The following MEIS1 variants were observed in gnomAD, a reference collection of about 807,000 sequenced individuals.
MEIS1 encodes the protein homeobox protein Meis1.
In MEIS1, 5 loss-of-function variants were observed where a neutral mutation model predicts 50.8. That is an observed-to-expected ratio of 0.10 (90% confidence interval 0.05 to 0.21). The LOEUF is 0.21. MEIS1 is among the 10% of genes least tolerant of loss of function. MEIS1 has a pLI of 1.00. For missense variants in MEIS1, 318 were observed against 517.3 expected (o/e 0.61, Z 3.74); for synonymous variants, 176 against 179.3 (o/e 0.98, Z 0.15).
intron 7 of MEIS1, among the ~76,000 whole-genome samples, chr2:66,479,220 C>A (rs1672962734): frequency 6.6e-6 from 1 of 152,138 alleles, no homozygotes; most frequent in Admixed American, 6.5e-5. Context: ...CTTTTTTCCA[C>A]AAGAGATTGG....
intron 7 of MEIS1, among the ~76,000 whole-genome samples, chr2:66,478,928 G>A (rs1427277623): frequency 6.6e-6 from 1 of 152,202 alleles, no homozygotes; most frequent in Admixed American, 6.5e-5. Flanking sequence ...TCTAGCAAGA[G>A]CCCTCTTGTA....
chr2:66,440,033 C>T (rs1313716876), intron 3 of MEIS1, 49 bp downstream of exon 3: 2 of 1,534,508 alleles, frequency 1.3e-6, no homozygotes, highest in Non-Finnish European at 1.7e-6. Context: ...AGAGAGCCCC[C>T]CCTTCGCCAA....
chr2:66,453,299 A>G (rs1672315914), intron 6 of MEIS1, among the ~76,000 whole-genome samples: 1 of 151,968 alleles, frequency 6.6e-6, no homozygotes, highest in Non-Finnish European at 1.5e-5. Context: ...GTTAAATAGT[A>G]TGAATAATCT....
rs748709565 is a variant in MEIS1 at position 66,438,153 on chromosome 2, C to CT, written c.239+191dup. On this transcript the variant is annotated intron_variant, in intron 2 of 12. Transcript: ENST00000272369. Reference sequence around the variant, plus strand: ...GAAGCCCTACATCCCCATACACACTCTGTGCACATCCAGTGCCCTGCTCCA... The same window carrying CT: ...GAAGCCCTACATCCCCATACACACTCTTGTGCACATCCAGTGCCCTGCTCCA... Among the ~76,000 whole-genome samples the CT allele has an allele frequency of 5.9e-5, 9 of 152,316 alleles. No homozygotes were observed. In the East Asian group the frequency reaches 1.5e-3, roughly 26 times the overall value.
At chr2:66,496,126 GA>G (rs1673396568) in intron 7 of MEIS1, 1 of 152,510 alleles carries the variant, frequency 6.6e-6, no homozygotes. Context: ...ACTAGATCCA[GA>G]AGAGGACCAA....
At chr2:66,482,594 GC>G (rs1186452644) in intron 7 of MEIS1, among the ~76,000 whole-genome samples, 2 of 152,172 alleles carry the variant, frequency 1.3e-5, no homozygotes, top group East Asian at 3.8e-4. Context: ...AAGTGATCAG[GC>G]ACTGCTTAGC....
intron 7 of MEIS1, among the ~76,000 whole-genome samples, chr2:66,465,883 C>T (rs1264059194): frequency 6.6e-6 from 1 of 152,184 alleles, no homozygotes; most frequent in African/African-American, 2.4e-5. Flanking sequence ...GTGTTGTATG[C>T]TGCTTCTTCC....
At chr2:66,569,361 G>A in intron 12 of MEIS1, 1 of 427,634 alleles carries the variant, frequency 2.3e-6, no homozygotes, top group Admixed American at 3.8e-5. Flanking sequence ...TGTTGCTATT[G>A]TACAGTACTG....
At position 66,435,863 on chromosome 2, in the gene MEIS1, C is replaced by G. The variant is rs1671785426; in HGVS notation, c.7C>G (p.Gln3Glu). 1.3e-6 allele frequency: 2 copies of G among 1,568,808 alleles called. No individual in the cohort carries two copies. Among genetic ancestry groups the G allele is most frequent in the African/African-American group, 2.8e-5 (2 of 70,542 alleles). Residue 3 changes from glutamine (Q) to glutamate (E), a missense_variant, in exon 1 of 13, where the codon CAA becomes GAA. Gln to Glu is a conservative substitution (Grantham distance 29). Transcript: ENST00000272369. ...AAGGGAGCCAGAGAGGCCGATGGCG[C>G]AAAGGGTACGTATTAAAAAACAATT... The part of the protein sequence containing the change: MA[Q>E]RYDDLPHYGG...
intron 7 of MEIS1, among the ~76,000 whole-genome samples, chr2:66,493,901 G>C (rs930486215): frequency 3.9e-5 from 6 of 152,180 alleles, no homozygotes; most frequent in African/African-American, 1.4e-4. Flanking sequence ...TTTAAACAGA[G>C]AGAGAAAGAG....
In MEIS1 at chr2:66,524,132, T is replaced by C. The variant is rs146686849; in HGVS notation, c.888+11838T>C. 2.8e-4 allele frequency among the ~76,000 whole-genome samples: 43 copies of C among 152,012 alleles called. No individual in the cohort carries two copies. The East Asian group carries it at 7.9e-3, about 28-fold the overall frequency. ...TGCCTTTTGTTGGAGAGAAAAAGAG[T>C]TTTGCTGGCTTGAAGTGTCCTGTTT... On this transcript the variant is annotated intron_variant, in intron 8 of 12. Transcript: ENST00000272369.
At chr2:66,548,235 A>T (rs999078982) in intron 9 of MEIS1, among the ~76,000 whole-genome samples, 2 of 152,214 alleles carry the variant, frequency 1.3e-5, no homozygotes, top group East Asian at 3.8e-4. Flanking sequence ...TTATAAGTTG[A>T]CAATTTTATG....
At position 66,567,468 on chromosome 2, in the gene MEIS1, G is replaced by T. The variant is rs146143511; in HGVS notation, c.981G>T (p.Arg327=). ...TTGGTTACAGGTTTATTAATGCCCG[G>T]AGAAGAATAGTGCAGCCCATGATAG... The part of the protein sequence containing the change: ...LQVNNWFINA[R]RRIVQPMIDQ... The change falls in exon 10 of 13, where the codon CGG becomes CGT. Residue 327 remains arginine (R), a synonymous_variant. Coordinates refer to ENST00000272369, the MANE Select transcript of MEIS1 (RefSeq NM_002398.3). 2.0e-4 allele frequency: 324 copies of T among 1,613,822 alleles called. No homozygotes were observed. In the East Asian group the frequency reaches 7.1e-3, roughly 35 times the overall value.
At chr2:66,467,580 G>C (rs1384711222) in intron 7 of MEIS1, among the ~76,000 whole-genome samples, 2 of 151,496 alleles carry the variant, frequency 1.3e-5, no homozygotes, top group East Asian at 3.9e-4. Flanking sequence ...CTGGGTGACA[G>C]AGCAAGACTC....
chr2:66,568,600 CT>C lies in MEIS1; in HGVS notation c.1025-66del, dbSNP rs1032965864. On this transcript the variant is annotated intron_variant, in intron 10 of 12. Coordinates refer to ENST00000272369, the MANE Select transcript of MEIS1 (RefSeq NM_002398.3). Reference sequence around the variant, plus strand: ...TTCTCTGGTATGTTCTCCTCTTAGTCTCTCTTGGGCTATTTCTTTTGCTCTC... The same window carrying C: ...TTCTCTGGTATGTTCTCCTCTTAGTCCTCTTGGGCTATTTCTTTTGCTCTC... 8.4e-6 allele frequency: 10 copies of C among 1,197,300 alleles called. No individual in the cohort carries two copies. In the African/African-American group the frequency reaches 1.4e-4, roughly 16 times the overall value. 74.2% of individuals were successfully genotyped at this position (1,197,300 alleles called of 1,614,324 possible).
Position 66,568,723 on chromosome 2 carries a change from G to A in MEIS1, c.1081G>A (p.Asp361Asn), listed in dbSNP as rs373115262. 4.3e-6 allele frequency: 7 copies of A among 1,613,706 alleles called. No individual in the cohort carries two copies. Among genetic ancestry groups the A allele is most frequent in the Non-Finnish European group, 5.9e-6 (7 of 1,179,750 alleles). Residue 361 changes from aspartate (D) to asparagine (N), a missense_variant, in exon 11 of 13, where the codon GAC becomes AAC. Coordinates refer to ENST00000272369, the MANE Select transcript of MEIS1 (RefSeq NM_002398.3). ...DGQPMGGFVM[D>N]GQQHMGIRAP... is the part of the protein sequence containing the mutation. ...ACAGCCCATGGGAGGTTTCGTAATG[G>A]ACGGTCAGCAACATATGGGAATTAG...
intron 7 of MEIS1, among the ~76,000 whole-genome samples, chr2:66,505,391 G>A (rs1673662779): frequency 6.6e-6 from 1 of 152,094 alleles, no homozygotes; most frequent in Non-Finnish European, 1.5e-5. Context: ...GGGTAACAGA[G>A]TGAAACACTG....
intron 6 of MEIS1, chr2:66,445,105 C>A (rs891310751): frequency 6.6e-6 from 1 of 152,160 alleles, no homozygotes. Flanking sequence ...GCAATTGTAT[C>A]GGATAAAACT....
At chr2:66,496,509 C>G (rs114040273) in intron 7 of MEIS1, among the ~76,000 whole-genome samples, 5,093 of 152,260 alleles carry the variant, frequency 0.033, 117 homozygotes, top group Middle Eastern at 0.058. Context: ...TGCCTCATAA[C>G]TTTTCTATTA....
Sources: gnomAD v4.1 joint callset for allele counts (sites outside exome capture counted in the v4.1 genomes callset) on GRCh38, gnomAD v4.1.1 for gene constraint, MANE v1.5 for transcripts, NCBI Gene and HGNC (gene_info 2026-07-23, HGNC 2026-07-21) for gene names.